Variants in TRPC4 observed in about 807,000 individuals in gnomAD.
TRPC4 encodes the protein short transient receptor potential channel 4.
A neutral mutation model predicts 99.4 loss-of-function variants in TRPC4; 49 were observed. The ratio of observed to expected loss-of-function variants is 0.49; its 90% confidence interval spans 0.39 to 0.63. TRPC4 has a LOEUF of 0.63. TRPC4 is among the 20% of genes least tolerant of loss of function. The pLI is 0.00. For synonymous variants in TRPC4, 454 were observed against 425.9 expected, an observed-to-expected ratio of 1.07 and a Z score of -0.81; for missense variants, 898 against 1,152.9, an observed-to-expected ratio of 0.78 and a Z score of 3.20.
intron 1 of TRPC4, among the ~76,000 whole-genome samples, chr13:37,796,015 A>T (rs1248163680): frequency 6.6e-6 from 1 of 152,120 alleles, no homozygotes; most frequent in Non-Finnish European, 1.5e-5. Context: ...TCAGGGTCAG[A>T]TGTGGTAAAA....
chr13:37,760,477 C>G (rs2139236564), intron 2 of TRPC4, among the ~76,000 whole-genome samples: 1 of 151,964 alleles, frequency 6.6e-6, no homozygotes, highest in Non-Finnish European at 1.5e-5. Context: ...TCCTACAAGT[C>G]AAGAGGAACC....
chr13:37,647,107 G>A (rs1951878196), intron 8 of TRPC4, among the ~76,000 whole-genome samples: 2 of 152,132 alleles, frequency 1.3e-5, no homozygotes, highest in Non-Finnish European at 2.9e-5. Flanking sequence ...TAAATAGCAC[G>A]ATAAGATCAT....
chr13:37,669,002 T>G (rs1952747979), intron 5 of TRPC4, among the ~76,000 whole-genome samples: 1 of 152,238 alleles, frequency 6.6e-6, no homozygotes, highest in Non-Finnish European at 1.5e-5. Context: ...ATCCCACACT[T>G]TGGGGAGCAG....
chr13:37,730,569 T>C (rs547511332), intron 3 of TRPC4, among the ~76,000 whole-genome samples: 1 of 151,860 alleles, frequency 6.6e-6, no homozygotes, highest in African/African-American at 2.4e-5. Context: ...CCATTTATAT[T>C]ATCAAAGCTC....
At chr13:37,649,076 G>A (rs1230375935) in intron 8 of TRPC4, among the ~76,000 whole-genome samples, 1 of 151,722 alleles carries the variant, frequency 6.6e-6, no homozygotes, top group East Asian at 1.9e-4. Context: ...TATTATGACA[G>A]CATTAATCAT....
chr13:37,808,808 A>G (rs1755810948), intron 1 of TRPC4, among the ~76,000 whole-genome samples: 1 of 151,988 alleles, frequency 6.6e-6, no homozygotes. Flanking sequence ...TCTCCCTTCC[A>G]CAGATGTAGA....
At chr13:37,859,518 G>C (rs1304343689) in intron 1 of TRPC4, among the ~76,000 whole-genome samples, 2 of 151,460 alleles carry the variant, frequency 1.3e-5, no homozygotes, top group Non-Finnish European at 3.0e-5. Context: ...TAACCTCAAA[G>C]AGCATCATCA....
intron 1 of TRPC4, among the ~76,000 whole-genome samples, chr13:37,796,993 G>A (rs1214101519): frequency 8.2e-4 from 87 of 106,328 alleles, no homozygotes; most frequent in Middle Eastern, 0.012. Flanking sequence ...GTAAAGTAAA[G>A]TAAAGTAAAG....
intron 3 of TRPC4, among the ~76,000 whole-genome samples, chr13:37,733,901 T>C (rs747449170): frequency 1.3e-5 from 2 of 152,120 alleles, no homozygotes; most frequent in African/African-American, 4.8e-5. Flanking sequence ...AAAATTGTGA[T>C]ATAAAAGGGA....
chr13:37,759,930 G>C (rs1262239361), intron 2 of TRPC4, among the ~76,000 whole-genome samples: 1 of 151,978 alleles, frequency 6.6e-6, no homozygotes. Context: ...TTTTTCAAAA[G>C]AGAAAAGTTT....
rs538561746 is a variant in TRPC4 at position 37,724,921 on chromosome 13, T to C, written c.897+21016A>G. On this transcript the variant is annotated intron_variant, in intron 3 of 10. Transcript: ENST00000379705. Reference sequence around the variant, plus strand: ...GGAGAAAACGTTAACTGTAAATCAATAGAAGTTGTTTCTGAGAAATACTTG... The same window carrying C: ...GGAGAAAACGTTAACTGTAAATCAACAGAAGTTGTTTCTGAGAAATACTTG... 2.0e-5 allele frequency among the ~76,000 whole-genome samples: 3 copies of C among 152,302 alleles called. No individual in the cohort carries two copies. In the East Asian group the frequency reaches 5.8e-4, roughly 29 times the overall value.
At chr13:37,774,657 C>T (rs1325793659) in intron 2 of TRPC4, among the ~76,000 whole-genome samples, 1 of 151,578 alleles carries the variant, frequency 6.6e-6, no homozygotes, top group Non-Finnish European at 1.5e-5. Flanking sequence ...CTCCTCTCAC[C>T]CTCTACTTTT....
intron 1 of TRPC4, among the ~76,000 whole-genome samples, chr13:37,823,796 C>G (rs1958105085): frequency 6.8e-6 from 1 of 148,018 alleles, no homozygotes; most frequent in Non-Finnish European, 1.5e-5. Flanking sequence ...AGTTTTTTTC[C>G]AATTCTGTGA....
intron 4 of TRPC4, among the ~76,000 whole-genome samples, chr13:37,680,634 T>C (rs1953206255): frequency 6.6e-6 from 1 of 152,124 alleles, no homozygotes; most frequent in Admixed American, 6.6e-5. Context: ...AAAGCAGAAA[T>C]TGGATCTTTG....
intron 5 of TRPC4, among the ~76,000 whole-genome samples, chr13:37,670,094 T>A (rs542012458): frequency 1.3e-5 from 2 of 151,660 alleles, no homozygotes; most frequent in Admixed American, 6.6e-5. Flanking sequence ...GTGACCAACC[T>A]TCTATAAGTC....
chr13:37,804,235 G>A (rs914509585), intron 1 of TRPC4, among the ~76,000 whole-genome samples: 3 of 151,998 alleles, frequency 2.0e-5, no homozygotes, highest in Admixed American at 6.6e-5. Flanking sequence ...CATGTTCTTC[G>A]TCTATGTTAT....
intron 1 of TRPC4, among the ~76,000 whole-genome samples, chr13:37,784,097 A>G (rs1036837318): frequency 2.0e-5 from 3 of 152,178 alleles, no homozygotes; most frequent in Non-Finnish European, 4.4e-5. Context: ...CCCAATGAAC[A>G]TAATTATATT....
chr13:37,829,582 AG>A (rs891121901), intron 1 of TRPC4, among the ~76,000 whole-genome samples: 3 of 152,232 alleles, frequency 2.0e-5, no homozygotes, highest in African/African-American at 7.2e-5. Context: ...GAAACACTTC[AG>A]TGGTTCCTCA....
chr13:37,803,872 A>G (rs949802017), intron 1 of TRPC4, among the ~76,000 whole-genome samples: 3 of 152,148 alleles, frequency 2.0e-5, no homozygotes, highest in Non-Finnish European at 4.4e-5. Context: ...TTCTAGGTTC[A>G]GAATAAAGAT....
Sources: gnomAD v4.1 joint callset for allele counts (sites outside exome capture counted in the v4.1 genomes callset) on GRCh38, gnomAD v4.1.1 for gene constraint, MANE v1.5 for transcripts, NCBI Gene and HGNC (gene_info 2026-07-23, HGNC 2026-07-21) for gene names.